ADGRB1: variants seen among roughly 807,000 people sequenced by gnomAD.
ADGRB1 encodes the protein adhesion G protein-coupled receptor B1.
A neutral mutation model predicts 175.7 loss-of-function variants in ADGRB1; 36 were observed. That is an observed-to-expected ratio of 0.20 (90% CI 0.16 to 0.27). The LOEUF is 0.27. Ranked by LOEUF, ADGRB1 falls within the 10% of genes least tolerant of loss-of-function variation. The pLI, the probability that ADGRB1 is intolerant of heterozygous loss-of-function variation, is 1.00. For synonymous variants in ADGRB1, 1,054 were observed against 979.4 expected (o/e 1.08, Z -1.42); for missense variants, 1,731 against 2,255.3 (o/e 0.77, Z 4.71).
At chr8:142,529,758 A>T (rs1318871873) in intron 24 of ADGRB1, among the ~76,000 whole-genome samples, 2 of 150,458 alleles carry the variant, frequency 1.3e-5, no homozygotes, top group African/African-American at 4.9e-5. Context: ...GTGAGTGTGC[A>T]TCTATGTGTG....
Position 142,464,287 on chromosome 8 carries a change from C to G in ADGRB1, c.89C>G (p.Ala30Gly). 1 of 1,365,176 alleles carries G rather than the reference C, an allele frequency of 7.3e-7. No homozygotes were observed. Among genetic ancestry groups the G allele is most frequent in the Non-Finnish European group, 9.4e-7 (1 of 1,067,736 alleles). 84.6% of individuals were successfully genotyped at this position (1,365,176 alleles called of 1,614,324 possible). ...LLLLLGRRAR[A>G]AAGADAGPGP... ...CTGCTGCTGGGACGCCGCGCGCGGG[C>G]GGCCGCCGGAGCAGACGCGGGGCCC... Residue 30 changes from alanine to glycine, a missense_variant, in exon 2 of 31, where the codon GCG (alanine) becomes GGG (glycine). Coordinates refer to ENST00000517894, the MANE Select transcript of ADGRB1 (RefSeq NM_001702.3).
intron 17 of ADGRB1, among the ~76,000 whole-genome samples, chr8:142,508,467 T>C (rs1253194667): frequency 6.6e-6 from 1 of 152,224 alleles, no homozygotes; most frequent in Non-Finnish European, 1.5e-5. Context: ...CCACGCTCCC[T>C]TTCCTGTTCT....
intron 2 of ADGRB1, among the ~76,000 whole-genome samples, chr8:142,472,995 T>C (rs1840747901): frequency 6.6e-6 from 1 of 151,530 alleles, no homozygotes; most frequent in South Asian, 2.1e-4. Flanking sequence ...CTCCGAAGCC[T>C]CTCCTGATGT....
chr8:142,529,494 G>A (rs1286349696), intron 24 of ADGRB1, among the ~76,000 whole-genome samples: 3 of 152,212 alleles, frequency 2.0e-5, no homozygotes, highest in Admixed American at 2.0e-4. Flanking sequence ...GATGCCACAA[G>A]TGTGCAAGTG....
At chr8:142,481,138 G>A in intron 9 of ADGRB1, 116 bp from the exon 10 acceptor site, 1 of 911,526 alleles carries the variant, frequency 1.1e-6, no homozygotes, top group Non-Finnish European at 1.8e-6. Flanking sequence ...CCATGGGCGA[G>A]TCCCTGTTTC....
intron 18 of ADGRB1, among the ~76,000 whole-genome samples, chr8:142,516,145 G>A (rs184145747): frequency 1.2e-3 from 185 of 151,972 alleles, no homozygotes; most frequent in African/African-American, 3.9e-3. Flanking sequence ...TCGTGTGTGC[G>A]GGCCCCAGGT....
intron 23 of ADGRB1, among the ~76,000 whole-genome samples, chr8:142,524,854 G>A (rs1844082503): frequency 1.3e-5 from 2 of 152,220 alleles, no homozygotes; most frequent in South Asian, 2.1e-4. Flanking sequence ...ACCGTCCTGG[G>A]GTCACAGATG....
Position 142,504,155 on chromosome 8 carries a change from G to A in ADGRB1, c.2676-6777G>A, listed in dbSNP as rs951758756. Among the ~76,000 whole-genome samples, 1 of 152,224 alleles carries A rather than the reference G, an allele frequency of 6.6e-6. No individual in the cohort carries two copies. Among genetic ancestry groups the A allele is most frequent in the African/African-American group, 2.4e-5 (1 of 41,462 alleles). On this transcript the variant is annotated intron_variant, in intron 17 of 30. Coordinates refer to ENST00000517894, the MANE Select transcript of ADGRB1 (RefSeq NM_001702.3). The surrounding 1 kb of genome is among the most constrained non-coding windows in gnomAD (Gnocchi z 5.6). ...CCCCAGGTAATTGCCCCCAGGCCCT[G>A]AGCTTGGAGGGGCTAGAGCTGACCC...
At chr8:142,450,712 A>G (rs1016239663) in intron 1 of ADGRB1, among the ~76,000 whole-genome samples, 1 of 152,122 alleles carries the variant, frequency 6.6e-6, no homozygotes, top group Non-Finnish European at 1.5e-5. Flanking sequence ...CCTCGCTCGT[A>G]GAAGCCCTCG....
chr8:142,538,964 T>C (rs1296390967), intron 26 of ADGRB1, among the ~76,000 whole-genome samples: 1 of 152,144 alleles, frequency 6.6e-6, no homozygotes, highest in African/African-American at 2.4e-5. Flanking sequence ...AGCACACATG[T>C]GTGCCTCACA....
At chr8:142,479,056 G>A (rs527345755) in intron 7 of ADGRB1, 26 of 398,146 alleles carry the variant, frequency 6.5e-5, no homozygotes, top group Non-Finnish European at 1.1e-4. Context: ...TGGCCGTGGG[G>A]TAGTAGGGTG....
rs750534358 is a variant in ADGRB1, at chr8:142,542,141, C to T, written c.3907C>T (p.Pro1303Ser). Residue 1303 changes from proline (P) to serine (S), a missense_variant, in exon 28 of 31, where the codon CCC (proline) becomes TCC (serine). Pro to Ser is a moderately conservative substitution (Grantham distance 74). This residue lies in a region of ADGRB1 where 394 missense variants were observed against 410.2 expected (regional missense o/e 0.96). Transcript: ENST00000517894. This position sits in a 1 kb window ranked among gnomAD's most constrained non-coding sequence, Gnocchi z 6.3. Reference sequence around the variant, plus strand: ...TCCCGGCGGGCCCCTGCCCGACTTCCCCAACCACTCACTGACCCTCAAGAG... The same window carrying T: ...TCCCGGCGGGCCCCTGCCCGACTTCTCCAACCACTCACTGACCCTCAAGAG... ...RYPGGPLPDF[P>S]NHSLTLKRDK... 59 of 1,613,532 alleles carry T rather than the reference C, an allele frequency of 3.7e-5. No homozygotes were observed. Among genetic ancestry groups the T allele is most frequent in the Non-Finnish European group, 4.9e-5 (58 of 1,179,836 alleles).
In ADGRB1 at chr8:142,537,741, G is replaced by A. The variant is rs1481016420; in HGVS notation, c.3666+659G>A. ...CCTCTTTACAGCACAGCGTTCCCAC[G>A]ACACGCACAGGTCCTGGGAGGGCGG... On this transcript the variant is annotated intron_variant, in intron 26 of 30. Transcript: ENST00000517894. The surrounding 1 kb of genome is among the most constrained non-coding windows in gnomAD (Gnocchi z 4.6). Among the ~76,000 whole-genome samples, 1 of 152,216 alleles carries A rather than the reference G, an allele frequency of 6.6e-6. No individual in the cohort carries two copies. Among genetic ancestry groups the A allele is most frequent in the Non-Finnish European group, 1.5e-5 (1 of 67,998 alleles).
In ADGRB1 at chr8:142,542,662, G is replaced by A; in HGVS notation, c.4413+15G>A. The A allele has an allele frequency of 6.5e-7, 1 of 1,536,758 alleles. No individual in the cohort carries two copies. Among genetic ancestry groups the A allele is most frequent in the Non-Finnish European group, 8.8e-7 (1 of 1,141,056 alleles). ...GCTCCCTGGAGGTGAGGGGGGCAGG[G>A]GTGGGCCACACCCCAGCCAGCGAGG... On this transcript the variant is annotated intron_variant, in intron 28 of 30. Coordinates refer to ENST00000517894, the MANE Select transcript of ADGRB1 (RefSeq NM_001702.3). The surrounding 1 kb of genome is among the most constrained non-coding windows in gnomAD (Gnocchi z 6.3).
intron 22 of ADGRB1, 88 bp downstream of exon 22, chr8:142,522,798 C>G (rs567463199): frequency 7.6e-7 from 1 of 1,312,350 alleles, no homozygotes; most frequent in African/African-American, 1.6e-5. Flanking sequence ...TGGCCATGCC[C>G]TCCCCCCGTG....
In ADGRB1 at chr8:142,484,022, G is replaced by A; in HGVS notation, c.2176G>A (p.Asp726Asn). The change falls in exon 12 of 31, where the codon GAC becomes AAC. Residue 726 changes from aspartate to asparagine, a missense_variant. Transcript: ENST00000517894. ...CAACCTGTTGGCAGAGGAGAATCGG[G>A]ACAAGTGGGAGGAGGCCCAGCTGGT... ...LSNLLAEENR[D>N]KWEEAQLAGP... The A allele has an allele frequency of 6.2e-7, 1 of 1,612,988 alleles. No homozygotes were observed.
chr8:142,535,335 G>A (rs1254123646), intron 25 of ADGRB1, among the ~76,000 whole-genome samples: 1 of 152,126 alleles, frequency 6.6e-6, no homozygotes, highest in African/African-American at 2.4e-5. Context: ...ATGGGGTCAG[G>A]GAAGGAGGGG....
chr8:142,518,304 T>C (rs13254123), intron 19 of ADGRB1, 63 bp downstream of exon 19: 1,560,823 of 1,560,854 alleles, frequency 1, 780,396 homozygotes, highest in Middle Eastern at 1. Flanking sequence ...GCCTCTTCCC[T>C]TGAAGGTCAC....
rs969877198 is a variant in ADGRB1, at chr8:142,520,675, C to T, written c.2922-148C>T. 254 of 604,620 alleles carry T rather than the reference C, an allele frequency of 4.2e-4. No homozygotes were observed. The African/African-American group carries it at 5.5e-3, about 13-fold the overall frequency. 37.5% of individuals were successfully genotyped at this position (604,620 alleles called of 1,614,324 possible). A position where few individuals can be genotyped will look rare whatever the true frequency, so the allele number is the denominator to read the frequency against. ...GATGGTGTAATGGTGGTGATGGTGG[C>T]GGTGATGATGGTCATGGTGGTGGTG... is the stretch of plus-strand genomic sequence containing the variant. On this transcript the variant is annotated intron_variant, in intron 19 of 30. Coordinates refer to ENST00000517894, the MANE Select transcript of ADGRB1 (RefSeq NM_001702.3).
Sources: allele counts gnomAD v4.1 joint callset (sites outside exome capture counted in the v4.1 genomes callset), GRCh38; gene constraint gnomAD v4.1.1; regional missense constraint gnomAD v4.1.1; non-coding constraint Gnocchi (gnomAD v3.1); transcripts MANE v1.5; gene names NCBI Gene and HGNC (gene_info 2026-07-23, HGNC 2026-07-21).